KIF4A: variants seen among roughly 807,000 people sequenced by gnomAD.
The protein encoded by KIF4A is chromosome-associated kinesin KIF4A.
In KIF4A, 7 loss-of-function variants were observed where a neutral mutation model predicts 105.9. The observed-to-expected ratio is 0.07, with a 90% confidence interval of 0.04 to 0.12. KIF4A has a LOEUF of 0.12. Ranked by LOEUF, KIF4A falls within the 10% of genes least tolerant of loss-of-function variation. The pLI is 1.00. For missense variants in KIF4A, 558 were observed against 929.2 expected, an observed-to-expected ratio of 0.60 and a Z score of 5.19; for synonymous variants, 281 against 331.3, an observed-to-expected ratio of 0.85 and a Z score of 1.65.
intron 22 of KIF4A, among the ~76,000 whole-genome samples, chrX:70,397,758 A>G (rs772167940): frequency 8.9e-6 from 1 of 112,094 alleles, no homozygotes; most frequent in Non-Finnish European, 1.9e-5. Flanking sequence ...TACTAACTTT[A>G]TCTTGGGATA....
intron 20 of KIF4A, among the ~76,000 whole-genome samples, chrX:70,389,275 A>G (rs1309211381): frequency 1.8e-5 from 2 of 109,619 alleles, no homozygotes; most frequent in African/African-American, 6.7e-5. Context: ...TAAAACAGAA[A>G]TATTTGTCTG....
chrX:70,419,778 A>G lies in KIF4A; in HGVS notation c.3490A>G (p.Ser1164Gly), dbSNP rs753011575. 4 of 1,208,798 alleles carry G rather than the reference A, an allele frequency of 3.3e-6. No individual in the cohort carries two copies. The African/African-American group carries it at 7.0e-5, about 21-fold the overall frequency. Residue 1164 changes from serine to glycine, a missense_variant, in exon 30 of 31, where the codon AGC becomes GGC. Around this residue, in one of 2 missense-constraint regions of KIF4A, gnomAD observed 469 missense variants for 680.4 expected, o/e 0.69. Coordinates refer to ENST00000374403, the MANE Select transcript of KIF4A (RefSeq NM_012310.5). ...FFNPVCATPN[S>G]KILKEMCDVE... is the part of the protein sequence containing the mutation. ...TAATCCCGTCTGTGCCACCCCCAATAGCAAGGTAGGTGGGCTAAAAGGCAG... is the reference window on the plus strand; with the variant it reads ...TAATCCCGTCTGTGCCACCCCCAATGGCAAGGTAGGTGGGCTAAAAGGCAG...
At chrX:70,361,927 C>T (rs1348900845) in intron 15 of KIF4A, among the ~76,000 whole-genome samples, 1 of 112,253 alleles carries the variant, frequency 8.9e-6, no homozygotes, top group Non-Finnish European at 1.9e-5. Flanking sequence ...CTGTGTGCAC[C>T]TGGGATGCCT....
chrX:70,324,907 G>A (rs777972568), intron 7 of KIF4A, among the ~76,000 whole-genome samples: 3 of 111,414 alleles, frequency 2.7e-5, no homozygotes, highest in African/African-American at 6.5e-5. Flanking sequence ...TCAGCCTCCC[G>A]AGTAACTGGA....
At chrX:70,311,739 T>C (rs970069283) in intron 7 of KIF4A, among the ~76,000 whole-genome samples, 2 of 110,822 alleles carry the variant, frequency 1.8e-5, no homozygotes, top group Non-Finnish European at 3.8e-5. Flanking sequence ...AGCAGGAAGA[T>C]TGCTTGAGAC....
At chrX:70,406,506 C>T (rs1481940936) in intron 27 of KIF4A, 152 bp downstream of exon 27, 1 of 480,149 alleles carries the variant, frequency 2.1e-6, no homozygotes, top group Non-Finnish European at 3.5e-6. Flanking sequence ...CAGTTCAATC[C>T]TAAGGAAAGT....
chrX:70,401,139 G>A (rs1393699770), intron 22 of KIF4A, among the ~76,000 whole-genome samples: 1 of 99,568 alleles, frequency 1.0e-5, no homozygotes, highest in Non-Finnish European at 2.0e-5. Context: ...GAGTGCAGTG[G>A]CACAATCTCA....
At chrX:70,306,856 T>A (rs959208451) in intron 7 of KIF4A, among the ~76,000 whole-genome samples, 1 of 110,028 alleles carries the variant, frequency 9.1e-6, no homozygotes, top group Non-Finnish European at 1.9e-5. Flanking sequence ...TTTTTTTTTT[T>A]AGAGACAAGA....
At chrX:70,313,244 AT>A (rs1435108023) in intron 7 of KIF4A, among the ~76,000 whole-genome samples, 1 of 111,604 alleles carries the variant, frequency 9.0e-6, no homozygotes, top group Non-Finnish European at 1.9e-5. Flanking sequence ...GATTATATCT[AT>A]TTTGTCTAAT....
intron 7 of KIF4A, among the ~76,000 whole-genome samples, chrX:70,321,492 A>T (rs1320205756): frequency 9.0e-6 from 1 of 111,495 alleles, no homozygotes; most frequent in Admixed American, 9.6e-5. Flanking sequence ...GGTTCCAGCC[A>T]TAGCAGTCTA....
intron 15 of KIF4A, among the ~76,000 whole-genome samples, chrX:70,372,402 A>G (rs2147719013): frequency 8.8e-6 from 1 of 113,087 alleles, no homozygotes; most frequent in South Asian, 3.6e-4. Context: ...GCACCTCGGG[A>G]GGCCGAGGCT....
At position 70,407,503 on chromosome X, in the gene KIF4A, T is replaced by A. The variant is rs1432153567; in HGVS notation, c.3255+428T>A. Among the ~76,000 whole-genome samples, 3 of 111,521 alleles carry A rather than the reference T, an allele frequency of 2.7e-5. No homozygotes were observed. In the East Asian group the frequency reaches 8.5e-4, roughly 32 times the overall value. On this transcript the variant is annotated intron_variant, in intron 28 of 30. Transcript: ENST00000374403. ...CTAGGAATGTGTTGGCCCCATACCC[T>A]TTAGCTATCATTTAGAGGCACTGAC...
chrX:70,318,391 A>G (rs773653213), intron 7 of KIF4A, among the ~76,000 whole-genome samples: 2 of 111,826 alleles, frequency 1.8e-5, no homozygotes, highest in African/African-American at 6.5e-5. Flanking sequence ...ATAGTAATCT[A>G]TCATTTGTCT....
Position 70,302,280 on chromosome X carries a change from T to C in KIF4A, c.684-24T>C, listed in dbSNP as rs376563488. 3.6e-5 allele frequency: 43 copies of C among 1,199,633 alleles called. 1 individual carries two copies. The African/African-American group carries it at 6.7e-4, about 19-fold the overall frequency. ...TCTCAAGCTTGTGTACCATTCTCAC[T>C]GTGTCTTCCTTTCATTATCACAGGA... is the stretch of plus-strand genomic sequence containing the variant. On this transcript the variant is annotated intron_variant, in intron 6 of 30. Coordinates refer to ENST00000374403, the MANE Select transcript of KIF4A (RefSeq NM_012310.5).
intron 7 of KIF4A, among the ~76,000 whole-genome samples, chrX:70,313,659 A>AT (rs1310492700): frequency 9.0e-6 from 1 of 111,310 alleles, no homozygotes; most frequent in African/African-American, 3.3e-5. Context: ...TCTCCTGCAT[A>AT]TTTTTTCTTA....
At position 70,341,823 on chromosome X, in the gene KIF4A, A is replaced by C. The variant is rs1161989213; in HGVS notation, c.1158A>C (p.Gln386His). 5 of 1,208,989 alleles carry C rather than the reference A, an allele frequency of 4.1e-6. No homozygotes were observed. The highest frequency in any genetic ancestry group is 5.6e-6 in the Non-Finnish European group (5 of 894,149). Reference protein sequence around the residue: ...SITVEPSENLQSLMEKNQSLV... With the variant: ...SITVEPSENLHSLMEKNQSLV... Reference sequence around the variant, plus strand: ...GTGTGGAACCATCAGAGAATCTACAATCCCTGATGGAGAAGAATCAGTCCC... The same window carrying C: ...GTGTGGAACCATCAGAGAATCTACACTCCCTGATGGAGAAGAATCAGTCCC... Residue 386 changes from glutamine (Q) to histidine (H), a missense_variant, in exon 11 of 31, where the codon CAA becomes CAC. Transcript: ENST00000374403.
At chrX:70,334,378 T>C (rs762486399) in intron 10 of KIF4A, among the ~76,000 whole-genome samples, 18 of 112,117 alleles carry the variant, frequency 1.6e-4, no homozygotes, top group Non-Finnish European at 3.2e-4. Context: ...TTACAAACCA[T>C]GAGTTTATAC....
chrX:70,306,138 G>A lies in KIF4A; in HGVS notation c.778+3740G>A, dbSNP rs146263029. Among the ~76,000 whole-genome samples the A allele has an allele frequency of 4.5e-3, 507 of 112,032 alleles. 6 individuals carry two copies. The highest frequency in any genetic ancestry group is 0.016 in the African/African-American group (480 of 30,861). On this transcript the variant is annotated intron_variant, in intron 7 of 30. Coordinates refer to ENST00000374403, the MANE Select transcript of KIF4A (RefSeq NM_012310.5). Reference sequence around the variant, plus strand: ...TCTGTATATGAGTTATCCCAGCATCGTTTGTTGAAAAGACTATCCTTTCCC... The same window carrying A: ...TCTGTATATGAGTTATCCCAGCATCATTTGTTGAAAAGACTATCCTTTCCC...
chrX:70,375,799 T>A (rs1235357891), intron 17 of KIF4A, among the ~76,000 whole-genome samples: 1 of 112,251 alleles, frequency 8.9e-6, no homozygotes, highest in Non-Finnish European at 1.9e-5. Context: ...GGATTTGTCC[T>A]GGAGGCTTAG....
Sources: gnomAD v4.1 joint callset for allele counts (sites outside exome capture counted in the v4.1 genomes callset) on GRCh38, gnomAD v4.1.1 for gene constraint, gnomAD v4.1.1 regional missense constraint, MANE v1.5 for transcripts, NCBI Gene and HGNC (gene_info 2026-07-23, HGNC 2026-07-21) for gene names.